Variants in SCMH1 observed in about 807,000 individuals in gnomAD.
SCMH1 encodes polycomb protein SCMH1.
A neutral mutation model predicts 70.8 loss-of-function variants in SCMH1; 37 were observed. That is an observed-to-expected ratio of 0.52 (90% CI 0.40 to 0.69). The LOEUF is 0.69. Ranked by LOEUF, SCMH1 falls within the 30% of genes least tolerant of loss-of-function variation. SCMH1 has a pLI of 0.00. For missense variants in SCMH1, 607 were observed against 827.3 expected, an observed-to-expected ratio of 0.73 and a Z score of 3.27; for synonymous variants, 292 against 307.4, an observed-to-expected ratio of 0.95 and a Z score of 0.52.
chr1:41,152,704 C>T (rs761945624), intron 4 of SCMH1: 6 of 1,613,750 alleles, frequency 3.7e-6, no homozygotes, highest in Non-Finnish European at 5.1e-6. Context: ...AGTGGAGCAG[C>T]ACAGAGCCCC....
intron 10 of SCMH1, among the ~76,000 whole-genome samples, chr1:41,055,252 T>A (rs1288723949): frequency 6.6e-6 from 1 of 152,200 alleles, no homozygotes; most frequent in East Asian, 1.9e-4. Flanking sequence ...AAAACAAGGA[T>A]GATTCAGAGG....
rs959331990 is a variant in SCMH1 at position 41,184,068 on chromosome 1, A to G, written c.13+2053T>C. ...TGTCTTTAGTGTCACTGAACTGTAC[A>G]CTAAAATATTATTAAAATGGTAAAT... On this transcript the variant is annotated intron_variant, in intron 2 of 14. Coordinates refer to ENST00000337495, the Ensembl canonical transcript of SCMH1. Among the ~76,000 whole-genome samples the G allele has an allele frequency of 4.6e-5, 7 of 152,314 alleles. No homozygotes were observed. In the South Asian group the frequency reaches 1.2e-3, roughly 27 times the overall value.
chr1:41,101,781 A>ATC (rs1666707192), intron 8 of SCMH1, among the ~76,000 whole-genome samples: 1 of 150,308 alleles, frequency 6.7e-6, no homozygotes, highest in African/African-American at 2.4e-5. Flanking sequence ...TGAGTCAACT[A>ATC]TCATACTTGG....
At chr1:41,103,123 G>T (rs1401183782) in intron 8 of SCMH1, among the ~76,000 whole-genome samples, 1 of 151,512 alleles carries the variant, frequency 6.6e-6, no homozygotes, top group East Asian at 1.9e-4. Flanking sequence ...AGGGAATCAA[G>T]GGAAGAAAAT....
At chr1:41,177,089 C>A (rs1054690442) in intron 2 of SCMH1, among the ~76,000 whole-genome samples, 1 of 152,178 alleles carries the variant, frequency 6.6e-6, no homozygotes, top group Non-Finnish European at 1.5e-5. Flanking sequence ...CACCAATATC[C>A]GCTGTTCTGC....
At chr1:41,123,222 A>AATAC (rs979898455) in intron 6 of SCMH1, among the ~76,000 whole-genome samples, 5 of 152,252 alleles carry the variant, frequency 3.3e-5, no homozygotes, top group African/African-American at 1.2e-4. Context: ...ACTCTGCCTC[A>AATAC]ATACATACAT....
intron 10 of SCMH1, among the ~76,000 whole-genome samples, chr1:41,062,405 T>C (rs1405191268): frequency 6.6e-6 from 1 of 151,338 alleles, no homozygotes; most frequent in African/African-American, 2.4e-5. Context: ...GGAGTTCGAA[T>C]CCAGCCTGAC....
chr1:41,230,898 C>A (rs1390859330), intron 1 of SCMH1, among the ~76,000 whole-genome samples: 2 of 152,180 alleles, frequency 1.3e-5, no homozygotes, highest in African/African-American at 4.8e-5. Flanking sequence ...TGATATTCAA[C>A]AAGGTTTGGG....
At chr1:41,067,859 G>A (rs985676823) in intron 10 of SCMH1, among the ~76,000 whole-genome samples, 3 of 152,192 alleles carry the variant, frequency 2.0e-5, no homozygotes, top group African/African-American at 7.2e-5. Flanking sequence ...TACCACTCTG[G>A]TGGAGGATGT....
At chr1:41,080,180 GA>G (rs1272387066) in intron 8 of SCMH1, among the ~76,000 whole-genome samples, 3 of 151,436 alleles carry the variant, frequency 2.0e-5, no homozygotes, top group Non-Finnish European at 4.4e-5. Context: ...ACTGACACAA[GA>G]AAAAAACAGA....
At chr1:41,104,132 G>A (rs993707035) in intron 8 of SCMH1, among the ~76,000 whole-genome samples, 6 of 152,150 alleles carry the variant, frequency 3.9e-5, no homozygotes, top group African/African-American at 2.4e-5. Context: ...CATCTACTAC[G>A]TGCTACATGG....
At chr1:41,198,386 C>G (rs986072493) in intron 1 of SCMH1, among the ~76,000 whole-genome samples, 4 of 152,140 alleles carry the variant, frequency 2.6e-5, no homozygotes, top group Admixed American at 2.0e-4. Flanking sequence ...AAAGCAGAAG[C>G]CTGTCTTTAT....
intron 3 of SCMH1, 25 bp from the exon 4 acceptor site, chr1:41,160,923 C>T: frequency 6.5e-7 from 1 of 1,548,516 alleles, no homozygotes; most frequent in African/African-American, 1.4e-5. Flanking sequence ...AATGTTGGAG[C>T]ATAAGTCATT....
chr1:41,070,731 T>C lies in SCMH1; in HGVS notation c.979-10A>G. On this transcript the variant is annotated splice_polypyrimidine_tract_variant and intron_variant, in intron 9 of 14. Transcript: ENST00000337495. ...AAGTCCGAGGTTTCCTCTGTCAAAA[T>C]GAATGGGAAAAAAATTGCTACCCAT... 1 of 1,613,676 alleles carries C rather than the reference T, an allele frequency of 6.2e-7. No homozygotes were observed. The highest frequency in any genetic ancestry group is 8.5e-7 in the Non-Finnish European group (1 of 1,179,780).
chr1:41,060,206 T>C (rs1429850649), intron 10 of SCMH1, among the ~76,000 whole-genome samples: 3 of 150,488 alleles, frequency 2.0e-5, no homozygotes, highest in Non-Finnish European at 4.4e-5. Flanking sequence ...GAAGGAAAAA[T>C]GCCAAAAACC....
intron 1 of SCMH1, among the ~76,000 whole-genome samples, chr1:41,210,377 C>G (rs1656716879): frequency 6.6e-6 from 1 of 152,092 alleles, no homozygotes; most frequent in Non-Finnish European, 1.5e-5. Context: ...TCGTATGGAA[C>G]CAAAAAAGAG....
At chr1:41,038,433 T>C (rs1645616765) in intron 12 of SCMH1, among the ~76,000 whole-genome samples, 1 of 152,180 alleles carries the variant, frequency 6.6e-6, no homozygotes, top group Admixed American at 6.5e-5. Context: ...AGCATAACAC[T>C]GTCCTTTATC....
intron 6 of SCMH1, among the ~76,000 whole-genome samples, chr1:41,129,516 C>T (rs1674077026): frequency 6.6e-6 from 1 of 152,186 alleles, no homozygotes; most frequent in Admixed American, 6.6e-5. Context: ...TATGTTGTAG[C>T]ATGTGTTATA....
intron 12 of SCMH1, chr1:41,041,385 A>G (rs1306700350): frequency 1.3e-5 from 2 of 152,246 alleles, no homozygotes; most frequent in Admixed American, 6.5e-5. Flanking sequence ...AACATTTACT[A>G]TAGTGAGGCA....
Sources: gnomAD v4.1 joint callset for allele counts (sites outside exome capture counted in the v4.1 genomes callset) on GRCh38, gnomAD v4.1.1 for gene constraint, MANE v1.5 for transcripts, NCBI Gene and HGNC (gene_info 2026-07-23, HGNC 2026-07-21) for gene names.